Variants in ABCA12 observed in about 807,000 individuals in gnomAD.
The protein encoded by ABCA12 is glucosylceramide transporter ABCA12.
Under a neutral mutation model 293.5 loss-of-function variants are expected in ABCA12, and 156 were observed. That is an observed-to-expected ratio of 0.53 (90% CI 0.47 to 0.61). The LOEUF (loss-of-function observed/expected upper bound fraction) is 0.61. Ranked by LOEUF, ABCA12 falls within the 20% of genes least tolerant of loss-of-function variation. The pLI is 0.00. For synonymous variants in ABCA12, 1,063 were observed against 1,108.0 expected (o/e 0.96, Z 0.81); for missense variants, 2,797 against 3,090.2 (o/e 0.91, Z 2.25).
intron 7 of ABCA12, among the ~76,000 whole-genome samples, chr2:215,037,841 A>G (rs921667373): frequency 3.3e-5 from 5 of 152,226 alleles, no homozygotes; most frequent in South Asian, 2.1e-4. Context: ...TCTACATTAT[A>G]TAAGTACTGT....
chr2:215,021,445 C>T (rs1014772150), intron 11 of ABCA12, among the ~76,000 whole-genome samples: 6 of 152,222 alleles, frequency 3.9e-5, no homozygotes, highest in Non-Finnish European at 8.8e-5. Context: ...TGATATTCCT[C>T]TCACTATCAG....
At chr2:214,944,401 G>A (rs1346661511) in intron 49 of ABCA12, among the ~76,000 whole-genome samples, 1 of 150,756 alleles carries the variant, frequency 6.6e-6, no homozygotes, top group African/African-American at 2.4e-5. Flanking sequence ...GACAGAGTAA[G>A]ACTCTGTCTA....
chr2:215,100,647 A>G (rs759739178), intron 2 of ABCA12, among the ~76,000 whole-genome samples: 1 of 152,154 alleles, frequency 6.6e-6, no homozygotes, highest in Non-Finnish European at 1.5e-5. Flanking sequence ...ATGGCCCATA[A>G]TCTATCTTGT....
At chr2:215,073,101 A>AAAAG (rs966253942) in intron 2 of ABCA12, among the ~76,000 whole-genome samples, 4 of 152,180 alleles carry the variant, frequency 2.6e-5, no homozygotes, top group African/African-American at 7.2e-5. Context: ...CCTCCAAAAA[A>AAAAG]AAAGAAAGAA....
intron 2 of ABCA12, among the ~76,000 whole-genome samples, chr2:215,066,908 C>T (rs1451572120): frequency 6.6e-6 from 1 of 152,078 alleles, no homozygotes; most frequent in African/African-American, 2.4e-5. Flanking sequence ...TCTACTGTAT[C>T]CCATGTACTG....
At chr2:214,956,320 A>G (rs1178649663) in intron 42 of ABCA12, among the ~76,000 whole-genome samples, 1 of 151,990 alleles carries the variant, frequency 6.6e-6, no homozygotes, top group Non-Finnish European at 1.5e-5. Flanking sequence ...ATATACTCAT[A>G]TAGTCAATAC....
At position 215,019,695 on chromosome 2, in the gene ABCA12, C is replaced by T; in HGVS notation, c.1389G>A (p.Leu463=). The T allele has an allele frequency of 1.2e-6, 2 of 1,614,192 alleles. No individual in the cohort carries two copies. The highest frequency in any genetic ancestry group is 1.7e-6 in the Non-Finnish European group (2 of 1,180,034). The change falls in exon 12 of 53, where the codon CTG becomes CTA. Residue 463 remains leucine (L), a synonymous_variant. Coordinates refer to ENST00000272895, the MANE Select transcript of ABCA12 (RefSeq NM_173076.3). ...CQLSDMSFGS[L]CEESEFDLQL... Reference sequence around the variant, plus strand: ...GCAGATCAAACTCACTTTCTTCACACAGGCTCCCAAAGCTCATATCAGAGA... The same window carrying T: ...GCAGATCAAACTCACTTTCTTCACATAGGCTCCCAAAGCTCATATCAGAGA...
chr2:215,028,460 T>C (rs1700799318), intron 9 of ABCA12, among the ~76,000 whole-genome samples: 1 of 152,254 alleles, frequency 6.6e-6, no homozygotes, highest in Admixed American at 6.5e-5. Context: ...TGCTTGTGCA[T>C]AGGCATTTCC....
chr2:214,946,069 G>A (rs766403225), intron 48 of ABCA12, among the ~76,000 whole-genome samples: 2 of 152,030 alleles, frequency 1.3e-5, no homozygotes, highest in Non-Finnish European at 2.9e-5. Flanking sequence ...TAGAAGAAAG[G>A]ATTTTGAATG....
intron 2 of ABCA12, among the ~76,000 whole-genome samples, chr2:215,069,847 T>C (rs533483744): frequency 2.6e-5 from 4 of 152,326 alleles, no homozygotes; most frequent in African/African-American, 9.6e-5. Flanking sequence ...TAAAATTGCG[T>C]CTTTTTAAGA....
intron 5 of ABCA12, among the ~76,000 whole-genome samples, chr2:215,051,274 A>G (rs1701314468): frequency 6.6e-6 from 1 of 152,140 alleles, no homozygotes; most frequent in Non-Finnish European, 1.5e-5. Flanking sequence ...CAGACAAAAA[A>G]CATTAGAAGC....
At chr2:215,056,557 G>T (rs893796894) in intron 3 of ABCA12, among the ~76,000 whole-genome samples, 1 of 151,996 alleles carries the variant, frequency 6.6e-6, no homozygotes, top group Non-Finnish European at 1.5e-5. Context: ...TATCATGTGT[G>T]CTTTCCTCTT....
At chr2:214,943,058 G>A (rs773617608) in intron 49 of ABCA12, 41 bp from the exon 50 acceptor site, 51 of 1,536,248 alleles carry the variant, frequency 3.3e-5, no homozygotes, top group Non-Finnish European at 4.5e-5. Flanking sequence ...TCAGGATACA[G>A]AAAACTTGGG....
Position 215,018,166 on chromosome 2 carries a change from G to T in ABCA12, c.1658-34C>A, listed in dbSNP as rs1474653020. 1.9e-6 allele frequency: 3 copies of T among 1,599,912 alleles called. No individual in the cohort carries two copies. In the South Asian group the frequency reaches 3.3e-5, roughly 18 times the overall value. On this transcript the variant is annotated intron_variant, in intron 13 of 52. Coordinates refer to ENST00000272895, the MANE Select transcript of ABCA12 (RefSeq NM_173076.3). ...AGAAAAATGTAAAAAGAAAACCCATGTTGGTTTGTCAGGTCACTCTTTTTA... is the reference window on the plus strand; with the variant it reads ...AGAAAAATGTAAAAAGAAAACCCATTTTGGTTTGTCAGGTCACTCTTTTTA...
Position 215,109,486 on chromosome 2 carries a change from C to T in ABCA12, c.163+2111G>A, listed in dbSNP as rs73987802. The stretch of plus-strand genomic sequence containing the variant: ...CTAAGAGACTAACAAACATACTTTC[C>T]GTGTTTGAACCATCCTATAATTTTG... On this transcript the variant is annotated intron_variant, in intron 2 of 52. Transcript: ENST00000272895. Among the ~76,000 whole-genome samples the T allele has an allele frequency of 6.8e-4, 103 of 152,256 alleles. 1 individual carries two copies. Among genetic ancestry groups the T allele is most frequent in the East Asian group, 1.9e-3 (10 of 5,178 alleles).
chr2:215,108,933 T>C (rs911163789), intron 2 of ABCA12, among the ~76,000 whole-genome samples: 1 of 151,774 alleles, frequency 6.6e-6, no homozygotes, highest in African/African-American at 2.4e-5. Flanking sequence ...CCAGGTGTGG[T>C]GGTGGGCTCC....
At chr2:214,948,856 G>A (rs1171185700) in intron 46 of ABCA12, 119 bp from the exon 47 acceptor site, 8 of 1,310,036 alleles carry the variant, frequency 6.1e-6, no homozygotes, top group Non-Finnish European at 8.7e-6. Flanking sequence ...GATAAAAAGG[G>A]ATAAAATAAT....
rs1483722766 is a variant in ABCA12 at position 215,135,609 on chromosome 2, T to A, written c.69+2531A>T. On this transcript the variant is annotated intron_variant, in intron 1 of 52. Transcript: ENST00000272895. ...ATGATTATGAATGTAGAAATATAAATGCTTGCATTTTAAATTATTATTTGA... is the reference window on the plus strand; with the variant it reads ...ATGATTATGAATGTAGAAATATAAAAGCTTGCATTTTAAATTATTATTTGA... 3.9e-5 allele frequency among the ~76,000 whole-genome samples: 6 copies of A among 152,368 alleles called. No individual in the cohort carries two copies. The South Asian group carries it at 6.2e-4, about 16-fold the overall frequency.
intron 23 of ABCA12, among the ~76,000 whole-genome samples, chr2:214,996,432 C>G (rs1321068344): frequency 1.3e-5 from 2 of 152,072 alleles, no homozygotes; most frequent in Admixed American, 1.3e-4. Flanking sequence ...GTCACAGTTT[C>G]TATCTCAAAG....
Sources: gnomAD v4.1 joint callset for allele counts (sites outside exome capture counted in the v4.1 genomes callset) on GRCh38, gnomAD v4.1.1 for gene constraint, MANE v1.5 for transcripts, NCBI Gene and HGNC (gene_info 2026-07-23, HGNC 2026-07-21) for gene names.